The following MAP2 variants were observed in gnomAD, a reference collection of about 807,000 sequenced individuals.
The protein encoded by MAP2 is microtubule-associated protein 2.
MAP2 carries 14 observed loss-of-function variants against 137.6 expected under a neutral mutation model. The ratio of observed to expected loss-of-function variants is 0.10; its 90% confidence interval spans 0.07 to 0.16. The LOEUF (loss-of-function observed/expected upper bound fraction) is 0.16, where lower values mean the gene tolerates loss of function less well. MAP2 is among the 10% of genes least tolerant of loss of function. MAP2 has a pLI of 1.00. For synonymous variants in MAP2, 786 were observed against 782.3 expected (o/e 1.00, Z -0.08); for missense variants, 2,088 against 2,191.5 (o/e 0.95, Z 0.94).
At chr2:209,569,485 A>G (rs1438247776) in intron 2 of MAP2, among the ~76,000 whole-genome samples, 2 of 151,862 alleles carry the variant, frequency 1.3e-5, no homozygotes. Context: ...TAAAGGATAA[A>G]CATAACAAGT....
chr2:209,610,278 G>A (rs1473587842), intron 3 of MAP2, among the ~76,000 whole-genome samples: 1 of 152,110 alleles, frequency 6.6e-6, no homozygotes, highest in African/African-American at 2.4e-5. Context: ...CAGGAGAGGA[G>A]AGGGTAGGGG....
At chr2:209,544,071 T>C (rs2067540227) in intron 2 of MAP2, among the ~76,000 whole-genome samples, 1 of 151,910 alleles carries the variant, frequency 6.6e-6, no homozygotes, top group Admixed American at 6.6e-5. Context: ...CTACTAAAAA[T>C]ACAAAAACAA....
intron 2 of MAP2, among the ~76,000 whole-genome samples, chr2:209,514,276 A>G (rs2062147291): frequency 6.6e-6 from 1 of 152,132 alleles, no homozygotes; most frequent in Non-Finnish European, 1.5e-5. Context: ...AAGTTTCCCA[A>G]ATTAAACCTA....
At chr2:209,520,890 A>G (rs1229994415) in intron 2 of MAP2, among the ~76,000 whole-genome samples, 1 of 152,064 alleles carries the variant, frequency 6.6e-6, no homozygotes, top group Non-Finnish European at 1.5e-5. Context: ...TAATTTTTGA[A>G]TGACACACTG....
At chr2:209,542,068 T>G (rs1282361754) in intron 2 of MAP2, among the ~76,000 whole-genome samples, 1 of 152,196 alleles carries the variant, frequency 6.6e-6, no homozygotes, top group African/African-American at 2.4e-5. Flanking sequence ...ATGCATTTCT[T>G]AAATAAGACG....
intron 5 of MAP2, among the ~76,000 whole-genome samples, chr2:209,669,829 A>G (rs2048036277): frequency 6.6e-6 from 1 of 151,586 alleles, no homozygotes; most frequent in Admixed American, 6.6e-5. Context: ...CCACAAACCC[A>G]CTATATTTTA....
chr2:209,504,896 A>T (rs2060842681), intron 1 of MAP2, among the ~76,000 whole-genome samples: 1 of 152,080 alleles, frequency 6.6e-6, no homozygotes, highest in South Asian at 2.1e-4. Context: ...TAGTGTTCTT[A>T]TGTACATTCT....
rs115420110 is a variant in MAP2 at position 209,677,456 on chromosome 2, A to G, written c.263-1116A>G. Among the ~76,000 whole-genome samples the G allele has an allele frequency of 8.0e-3, 1,217 of 152,028 alleles. 18 individuals carry two copies. The highest frequency in any genetic ancestry group is 0.027 in the African/African-American group (1,134 of 41,504). On this transcript the variant is annotated intron_variant, in intron 5 of 15. Coordinates refer to ENST00000682079, the MANE Select transcript of MAP2 (RefSeq NM_001375505.1). ...CAGACAGACAGATAGATGTTGCTCA[A>G]TTGTGGCTCATCACTTGTTGCATAG...
At chr2:209,688,772 C>T (rs574706936) in intron 7 of MAP2, among the ~76,000 whole-genome samples, 14 of 152,142 alleles carry the variant, frequency 9.2e-5, no homozygotes, top group South Asian at 6.2e-4. Flanking sequence ...TTTGCTTAGG[C>T]GAAGAGTTTA....
chr2:209,627,460 A>G (rs1348012240), intron 4 of MAP2, among the ~76,000 whole-genome samples: 2 of 152,136 alleles, frequency 1.3e-5, no homozygotes, highest in Admixed American at 6.5e-5. Flanking sequence ...TTGAGATTTT[A>G]TATAAGTCTC....
chr2:209,537,084 T>A (rs76175324), intron 2 of MAP2, among the ~76,000 whole-genome samples: 1,571 of 152,330 alleles, frequency 0.01, 27 homozygotes, highest in African/African-American at 0.036. Context: ...AGATAATGCA[T>A]GTTTTAGACA....
At chr2:209,688,017 C>T (rs886379349) in intron 7 of MAP2, among the ~76,000 whole-genome samples, 17 of 152,242 alleles carry the variant, frequency 1.1e-4, no homozygotes, top group Middle Eastern at 3.4e-3. Flanking sequence ...GCTTTGACCA[C>T]CTACATCATG....
chr2:209,548,645 T>C (rs2068557259), intron 2 of MAP2, among the ~76,000 whole-genome samples: 2 of 152,192 alleles, frequency 1.3e-5, no homozygotes, highest in Non-Finnish European at 2.9e-5. Context: ...TCTTGAATTG[T>C]AATAGCCATA....
chr2:209,727,320 C>G (rs2074423772), intron 14 of MAP2, among the ~76,000 whole-genome samples: 1 of 152,192 alleles, frequency 6.6e-6, no homozygotes, highest in African/African-American at 2.4e-5. Flanking sequence ...AACAGCATGG[C>G]TGGAATACTT....
chr2:209,602,650 A>C (rs1054493600), intron 3 of MAP2, among the ~76,000 whole-genome samples: 1 of 152,224 alleles, frequency 6.6e-6, no homozygotes, highest in African/African-American at 2.4e-5. Flanking sequence ...TGATGAACTC[A>C]GAAGAAGAGG....
At chr2:209,518,078 A>G (rs1467017382) in intron 2 of MAP2, among the ~76,000 whole-genome samples, 1 of 152,044 alleles carries the variant, frequency 6.6e-6, no homozygotes, top group African/African-American at 2.4e-5. Context: ...ATCTTGGCAC[A>G]CATGTAGTAA....
intron 2 of MAP2, among the ~76,000 whole-genome samples, chr2:209,520,711 C>G (rs746226235): frequency 2.6e-5 from 4 of 152,142 alleles, no homozygotes; most frequent in East Asian, 1.9e-4. Flanking sequence ...ATTCTTTTCC[C>G]TTTCATGAGG....
chr2:209,711,197 C>T (rs1264855764), intron 13 of MAP2, among the ~76,000 whole-genome samples: 2 of 152,036 alleles, frequency 1.3e-5, no homozygotes, highest in Non-Finnish European at 2.9e-5. Flanking sequence ...TCCTTTTTAA[C>T]GTCAATATTT....
At chr2:209,674,824 A>G (rs542585896) in intron 5 of MAP2, among the ~76,000 whole-genome samples, 2 of 151,940 alleles carry the variant, frequency 1.3e-5, no homozygotes, top group South Asian at 4.1e-4. Context: ...CCTGAACTTT[A>G]CACACACTCT....
Sources: allele counts gnomAD v4.1 joint callset (sites outside exome capture counted in the v4.1 genomes callset), GRCh38; gene constraint gnomAD v4.1.1; transcripts MANE v1.5; gene names NCBI Gene and HGNC (gene_info 2026-07-23, HGNC 2026-07-21).